Variants in DNAJC1 observed in about 807,000 individuals in gnomAD.
DNAJC1 encodes dnaJ homolog subfamily C member 1.
Under a neutral mutation model 76.6 loss-of-function variants are expected in DNAJC1, and 58 were observed. The observed-to-expected ratio is 0.76, with a 90% CI of 0.61 to 0.94. DNAJC1 has a LOEUF of 0.94. DNAJC1 is among the 40% of genes least tolerant of loss of function. The pLI is 0.00. For synonymous variants in DNAJC1, 258 were observed against 267.9 expected (o/e 0.96, Z 0.36); for missense variants, 689 against 677.3 (o/e 1.02, Z -0.19).
At chr10:21,927,450 T>C (rs1419960044) in intron 3 of DNAJC1, among the ~76,000 whole-genome samples, 2 of 152,256 alleles carry the variant, frequency 1.3e-5, no homozygotes, top group African/African-American at 4.8e-5. Context: ...ATATTTAGGC[T>C]GGCTTTTGCC....
Position 21,759,356 on chromosome 10 carries a change from GTCCTTCTGCCGCTTGGCTCTGGACTTC to G in DNAJC1, c.1383_1409del (p.Glu461_Lys469del). 6.2e-7 allele frequency: 1 copy of G among 1,614,220 alleles called. No individual in the cohort carries two copies. Among genetic ancestry groups the G allele is most frequent in the Non-Finnish European group, 8.5e-7 (1 of 1,180,046 alleles). ...ACTCGTTTTGTTCTGCTATGTCAAA[GTCCTTCTGCCGCTTGGCTCTGGACTTC>G]TCCTCTGGCTCCGGCTTCGCTGTAG... On this transcript the variant is annotated inframe_deletion, in exon 11 of 12. Coordinates refer to ENST00000376980, the MANE Select transcript of DNAJC1 (RefSeq NM_022365.4).
chr10:21,826,054 T>A (rs1835243792), intron 8 of DNAJC1, among the ~76,000 whole-genome samples: 1 of 151,968 alleles, frequency 6.6e-6, no homozygotes. Context: ...CTGGCCAACA[T>A]GGCAAAACCC....
At chr10:21,835,585 T>C (rs894927818) in intron 8 of DNAJC1, among the ~76,000 whole-genome samples, 2 of 151,870 alleles carry the variant, frequency 1.3e-5, no homozygotes. Context: ...TTGAAAAAAA[T>C]TAGACGAATG....
chr10:21,944,757 C>A (rs1482616705), intron 1 of DNAJC1, among the ~76,000 whole-genome samples: 3 of 151,988 alleles, frequency 2.0e-5, no homozygotes, highest in Non-Finnish European at 2.9e-5. Flanking sequence ...AATTATACCT[C>A]AATAAAGCTG....
intron 6 of DNAJC1, among the ~76,000 whole-genome samples, chr10:21,915,617 A>T (rs1836939649): frequency 6.6e-6 from 1 of 152,214 alleles, no homozygotes; most frequent in African/African-American, 2.4e-5. Context: ...TAACTAATTT[A>T]CTGTATACTT....
chr10:21,855,857 G>T (rs374275676), intron 8 of DNAJC1, among the ~76,000 whole-genome samples: 1 of 151,424 alleles, frequency 6.6e-6, no homozygotes, highest in Non-Finnish European at 1.5e-5. Flanking sequence ...ATTTTGATAG[G>T]TTTCAAGTCA....
chr10:21,759,351 T>A lies in DNAJC1; in HGVS notation c.1415A>T (p.Asp472Val). The A allele has an allele frequency of 1.2e-6, 2 of 1,614,246 alleles. No individual in the cohort carries two copies. Among genetic ancestry groups the A allele is most frequent in the Admixed American group, 1.7e-5 (1 of 60,028 alleles). Reference sequence around the variant, plus strand: ...GCTGGACTCGTTTTGTTCTGCTATGTCAAAGTCCTTCTGCCGCTTGGCTCT... The same window carrying A: ...GCTGGACTCGTTTTGTTCTGCTATGACAAAGTCCTTCTGCCGCTTGGCTCT... ...KSRAKRQKDF[D>V]IAEQNESSDE... The change falls in exon 11 of 12, where the codon GAC becomes GTC. Residue 472 changes from aspartate (D) to valine (V), a missense_variant. Transcript: ENST00000376980.
intron 1 of DNAJC1, among the ~76,000 whole-genome samples, chr10:21,936,036 G>T (rs1009802510): frequency 1.3e-5 from 2 of 152,198 alleles, no homozygotes; most frequent in Non-Finnish European, 2.9e-5. Flanking sequence ...TAAAGATAAT[G>T]CTGTGGTCTG....
intron 9 of DNAJC1, among the ~76,000 whole-genome samples, chr10:21,772,851 C>T (rs530338327): frequency 1.3e-5 from 2 of 152,096 alleles, no homozygotes; most frequent in Admixed American, 6.5e-5. Context: ...GTACAGGAAG[C>T]GTGGCAGCAT....
chr10:21,829,538 G>C (rs1188567415), intron 8 of DNAJC1, among the ~76,000 whole-genome samples: 2 of 152,032 alleles, frequency 1.3e-5, no homozygotes, highest in Non-Finnish European at 1.5e-5. Context: ...TTTTACTAGA[G>C]ACGGGATTAA....
intron 9 of DNAJC1, among the ~76,000 whole-genome samples, chr10:21,786,931 TG>T (rs1196121998): frequency 6.6e-6 from 1 of 152,230 alleles, no homozygotes; most frequent in Non-Finnish European, 1.5e-5. Flanking sequence ...GGAGGGAGTA[TG>T]TAATAAATAA....
At chr10:21,804,287 G>T (rs1165017340) in intron 9 of DNAJC1, among the ~76,000 whole-genome samples, 1 of 151,972 alleles carries the variant, frequency 6.6e-6, no homozygotes, top group Non-Finnish European at 1.5e-5. Flanking sequence ...GTTAAATGTG[G>T]TGCAGTCTTC....
At chr10:21,842,553 A>T (rs1835591067) in intron 8 of DNAJC1, among the ~76,000 whole-genome samples, 1 of 152,266 alleles carries the variant, frequency 6.6e-6, no homozygotes, top group Admixed American at 6.5e-5. Flanking sequence ...GTTGAATTTC[A>T]GGTACACTGA....
At chr10:21,803,475 A>T (rs45612432) in intron 9 of DNAJC1, among the ~76,000 whole-genome samples, 135 of 152,270 alleles carry the variant, frequency 8.9e-4, no homozygotes, top group Non-Finnish European at 1.6e-3. Context: ...ACTTAACATT[A>T]TACTAGAGAA....
chr10:21,945,396 A>G (rs986644552), intron 1 of DNAJC1, among the ~76,000 whole-genome samples: 3 of 152,216 alleles, frequency 2.0e-5, no homozygotes, highest in Admixed American at 2.0e-4. Flanking sequence ...TTCTTTTTAA[A>G]GAAACATATC....
chr10:21,835,520 A>G (rs965241473), intron 8 of DNAJC1, among the ~76,000 whole-genome samples: 3 of 152,224 alleles, frequency 2.0e-5, no homozygotes, highest in African/African-American at 7.2e-5. Context: ...CAGACGATCA[A>G]ACTACTCCGA....
chr10:21,778,930 G>A (rs1194046652), intron 9 of DNAJC1, among the ~76,000 whole-genome samples: 2 of 152,184 alleles, frequency 1.3e-5, no homozygotes, highest in Non-Finnish European at 1.5e-5. Context: ...CTTAGCAAAC[G>A]GCACACCAGG....
At position 21,759,168 on chromosome 10, in the gene DNAJC1, A is replaced by C; in HGVS notation, c.1596+2T>G. ...GCAGAGGCCTCTTTCCCCATCACTC[A>C]CCTTGCTCTTGGACGGGACACATCT... On this transcript the variant is annotated splice_donor_variant, in intron 11 of 11. Transcript: ENST00000376980. LOFTEE classifies it high-confidence loss of function. The C allele has an allele frequency of 4.3e-6, 7 of 1,610,720 alleles. No homozygotes were observed. The highest frequency in any genetic ancestry group is 5.9e-6 in the Non-Finnish European group (7 of 1,178,158).
chr10:21,865,491 A>T (rs1022979194), intron 8 of DNAJC1: 2 of 152,160 alleles, frequency 1.3e-5, no homozygotes, highest in African/African-American at 4.8e-5. Flanking sequence ...CTGTATGATT[A>T]TACATAATAT....
Sources: allele counts gnomAD v4.1 joint callset (sites outside exome capture counted in the v4.1 genomes callset), GRCh38; gene constraint gnomAD v4.1.1; transcripts MANE v1.5; gene names NCBI Gene and HGNC (gene_info 2026-07-23, HGNC 2026-07-21).